FRMD5: variants seen among roughly 807,000 people sequenced by gnomAD.
The protein encoded by FRMD5 is FERM domain-containing protein 5.
FRMD5 carries 20 observed loss-of-function variants against 69.0 expected under a neutral mutation model. The ratio of observed to expected loss-of-function variants is 0.29; its 90% CI spans 0.20 to 0.42. FRMD5 has a LOEUF of 0.42. Among genes scored for constraint, FRMD5 ranks in the 10% least tolerant of loss-of-function variants. FRMD5 has a pLI of 1.00. For missense variants in FRMD5, 595 were observed against 708.6 expected (o/e 0.84, Z 1.82); for synonymous variants, 271 against 260.1 (o/e 1.04, Z -0.40).
At chr15:44,053,086 G>A (rs942326121) in intron 1 of FRMD5, among the ~76,000 whole-genome samples, 1 of 152,214 alleles carries the variant, frequency 6.6e-6, no homozygotes, top group African/African-American at 2.4e-5. Flanking sequence ...AGGAGTCAGG[G>A]AAGGCTTCCC....
chr15:44,145,231 A>C (rs2077338960), intron 1 of FRMD5, among the ~76,000 whole-genome samples: 1 of 152,186 alleles, frequency 6.6e-6, no homozygotes, highest in Non-Finnish European at 1.5e-5. Flanking sequence ...AAAACTGCAC[A>C]GAACTGAATG....
intron 1 of FRMD5, among the ~76,000 whole-genome samples, chr15:44,019,652 G>A (rs766405911): frequency 1.4e-5 from 2 of 146,550 alleles, no homozygotes; most frequent in East Asian, 2.0e-4. Context: ...CAGGACAATC[G>A]CCTGAACCCG....
chr15:43,886,574 A>G (rs1467342763), intron 10 of FRMD5, among the ~76,000 whole-genome samples: 1 of 152,220 alleles, frequency 6.6e-6, no homozygotes, highest in Non-Finnish European at 1.5e-5. Context: ...TAACATGCCC[A>G]GGTGCCTATG....
chr15:44,148,721 C>T (rs899600518), intron 1 of FRMD5, among the ~76,000 whole-genome samples: 2 of 152,150 alleles, frequency 1.3e-5, no homozygotes, highest in Admixed American at 6.5e-5. Flanking sequence ...TTTTAAAAGG[C>T]ATAATGCTAT....
chr15:43,987,606 G>C (rs542473919), intron 1 of FRMD5, among the ~76,000 whole-genome samples: 2 of 152,250 alleles, frequency 1.3e-5, no homozygotes, highest in South Asian at 4.1e-4. Context: ...CCAAGCTAGA[G>C]TGGTGTGATC....
intron 1 of FRMD5, among the ~76,000 whole-genome samples, chr15:43,939,163 G>C (rs1433154275): frequency 6.6e-6 from 1 of 152,042 alleles, no homozygotes; most frequent in African/African-American, 2.4e-5. Context: ...GTGAGCCACT[G>C]TGCCCAGCCA....
intron 1 of FRMD5, among the ~76,000 whole-genome samples, chr15:44,181,938 A>G (rs1177109066): frequency 6.6e-6 from 1 of 152,126 alleles, no homozygotes; most frequent in East Asian, 1.9e-4. Flanking sequence ...ACCATATCAT[A>G]ACTCTCAAAA....
At position 44,194,815 on chromosome 15, in the gene FRMD5, G is replaced by A. The variant is rs1333018155; in HGVS notation, c.102+138C>T. ...GGTGAAGACGCCCTGCACTAGGGCG[G>A]TCCGCCGCAACCAGGAACGGACAAA... On this transcript the variant is annotated intron_variant, in intron 1 of 13. Transcript: ENST00000417257. 1.5e-5 allele frequency: 12 copies of A among 804,038 alleles called. No homozygotes were observed. The Admixed American group carries it at 2.4e-4, about 16-fold the overall frequency. The allele number at this position is 804,038 out of a possible 1,614,324, so 49.8% of individuals were successfully genotyped here. A position where few individuals can be genotyped will look rare whatever the true frequency, so the allele number is the denominator to read the frequency against.
intron 1 of FRMD5, among the ~76,000 whole-genome samples, chr15:43,957,916 T>A (rs1217353248): frequency 2.6e-5 from 4 of 152,226 alleles, no homozygotes; most frequent in African/African-American, 9.6e-5. Flanking sequence ...ACTGAGTCTT[T>A]ACTGTGGGCG....
intron 13 of FRMD5, among the ~76,000 whole-genome samples, chr15:43,881,254 G>A (rs1402253258): frequency 6.6e-6 from 1 of 152,150 alleles, no homozygotes; most frequent in East Asian, 1.9e-4. Context: ...CAGCCTCAGA[G>A]GGATGGAAAG....
intron 1 of FRMD5, among the ~76,000 whole-genome samples, chr15:44,151,697 A>G (rs989902181): frequency 1.3e-5 from 2 of 152,126 alleles, no homozygotes; most frequent in African/African-American, 2.4e-5. Flanking sequence ...TTTGGCAATG[A>G]TTTTCTGGAT....
intron 1 of FRMD5, among the ~76,000 whole-genome samples, chr15:43,960,374 C>T (rs971537593): frequency 5.3e-5 from 8 of 152,218 alleles, no homozygotes; most frequent in Non-Finnish European, 1.2e-4. Context: ...CTCAGCCTCC[C>T]GAGTAGCTGG....
At chr15:43,905,228 C>T (rs2089142780) in intron 6 of FRMD5, among the ~76,000 whole-genome samples, 1 of 151,662 alleles carries the variant, frequency 6.6e-6, no homozygotes, top group Admixed American at 6.6e-5. Context: ...CCTCTGCCTC[C>T]TGGGTTCAAG....
intron 1 of FRMD5, among the ~76,000 whole-genome samples, chr15:44,026,295 T>C (rs1158017390): frequency 6.6e-6 from 1 of 152,252 alleles, no homozygotes; most frequent in Non-Finnish European, 1.5e-5. Flanking sequence ...TCTTTCTTGA[T>C]AGAAACAAAT....
chr15:43,928,801 A>T (rs1345490746), intron 1 of FRMD5, among the ~76,000 whole-genome samples: 1 of 152,200 alleles, frequency 6.6e-6, no homozygotes, highest in Admixed American at 6.5e-5. Context: ...CCGGAGAAAC[A>T]GGCACTTGCG....
chr15:44,130,501 C>T (rs889455343), intron 1 of FRMD5, among the ~76,000 whole-genome samples: 1 of 152,166 alleles, frequency 6.6e-6, no homozygotes, highest in Non-Finnish European at 1.5e-5. Flanking sequence ...AAATCTATTG[C>T]AGTCCAGGCA....
At position 43,873,409 on chromosome 15, in the gene FRMD5, G is replaced by A. The variant is rs2088218547; in HGVS notation, c.*476C>T. The A allele has an allele frequency of 6.9e-6, 10 of 1,439,090 alleles. No individual in the cohort carries two copies. The South Asian group carries it at 1.5e-4, about 22-fold the overall frequency. 89.1% of individuals were successfully genotyped at this position (1,439,090 alleles called of 1,614,324 possible). On this transcript the variant is annotated 3_prime_UTR_variant, in exon 14 of 14. Transcript: ENST00000417257. ...CCTGGCCTGCCCTGCTGAGGCTGCA[G>A]TGATGAGTCTACTGGAACCCAGTGG...
intron 1 of FRMD5, among the ~76,000 whole-genome samples, chr15:44,069,509 C>T (rs1002963003): frequency 6.6e-6 from 1 of 151,954 alleles, no homozygotes. Context: ...TGTTGATACA[C>T]TCAACAACCT....
intron 1 of FRMD5, among the ~76,000 whole-genome samples, chr15:43,925,845 G>A (rs1488603767): frequency 6.6e-6 from 1 of 152,176 alleles, no homozygotes. Context: ...CAGCTCAAAT[G>A]TCCCCTCTTC....
Sources: gnomAD v4.1 joint callset for allele counts (sites outside exome capture counted in the v4.1 genomes callset) on GRCh38, gnomAD v4.1.1 for gene constraint, MANE v1.5 for transcripts, NCBI Gene and HGNC (gene_info 2026-07-23, HGNC 2026-07-21) for gene names.